FRMD4B: variants seen among roughly 807,000 people sequenced by gnomAD.
FRMD4B encodes the protein FERM domain containing 4B.
FRMD4B carries 74 observed loss-of-function variants against 141.5 expected under a neutral mutation model. The observed-to-expected ratio is 0.52, with a 90% CI of 0.43 to 0.63. The LOEUF is 0.63. Among genes scored for constraint, FRMD4B ranks in the 30% least tolerant of loss-of-function variants. FRMD4B has a pLI of 0.00. For synonymous variants in FRMD4B, 506 were observed against 467.9 expected (o/e 1.08, Z -1.05); for missense variants, 1,366 against 1,253.4 (o/e 1.09, Z -1.36).
chr3:69,279,792 TCCTC>T (rs2093636503), intron 5 of FRMD4B, among the ~76,000 whole-genome samples: 1 of 128,562 alleles, frequency 7.8e-6, no homozygotes, highest in Admixed American at 8.1e-5. Context: ...CTCCTCCTCC[TCCTC>T]CTCCTCCTCC....
rs531455064 is a variant in FRMD4B, at chr3:69,237,205, G to A, written c.581+12021C>T. Among the ~76,000 whole-genome samples, 7 of 152,206 alleles carry A rather than the reference G, an allele frequency of 4.6e-5. No homozygotes were observed. In the East Asian group the frequency reaches 1.4e-3, roughly 29 times the overall value. On this transcript the variant is annotated intron_variant, in intron 7 of 22. Transcript: ENST00000398540. ...GGAAGAGGAGAGAATTGGAAAGCTA[G>A]GGAGGAACGGAAGAGGAGGGAGGGG...
chr3:69,516,990 G>C (rs1020352283), intron 1 of FRMD4B, among the ~76,000 whole-genome samples: 1 of 152,104 alleles, frequency 6.6e-6, no homozygotes, highest in Non-Finnish European at 1.5e-5. Context: ...TCCCTCTGGA[G>C]GGTAGCATTG....
intron 1 of FRMD4B, among the ~76,000 whole-genome samples, chr3:69,478,200 T>G (rs1380434106): frequency 1.3e-5 from 2 of 152,276 alleles, no homozygotes; most frequent in East Asian, 1.9e-4. Flanking sequence ...GTGTCTCTAT[T>G]TCCTTCAGTT....
intron 20 of FRMD4B, among the ~76,000 whole-genome samples, chr3:69,182,015 A>C (rs553642909): frequency 4.6e-5 from 7 of 152,082 alleles, no homozygotes; most frequent in South Asian, 2.1e-4. Context: ...AGCCTGGAAA[A>C]AAAAACAAAA....
chr3:69,406,573 C>T (rs1386356680), intron 2 of FRMD4B, among the ~76,000 whole-genome samples: 1 of 152,198 alleles, frequency 6.6e-6, no homozygotes, highest in East Asian at 1.9e-4. Flanking sequence ...CTAAGTGATG[C>T]TGCCTCCTCG....
intron 7 of FRMD4B, among the ~76,000 whole-genome samples, chr3:69,235,910 A>G (rs1471266719): frequency 6.6e-6 from 1 of 152,224 alleles, no homozygotes; most frequent in Non-Finnish European, 1.5e-5. Context: ...CCAGGATTCT[A>G]GGAAGAGGGG....
intron 11 of FRMD4B, among the ~76,000 whole-genome samples, chr3:69,208,324 A>G (rs529550481): frequency 2.6e-4 from 39 of 152,100 alleles, no homozygotes; most frequent in Non-Finnish European, 5.1e-4. Flanking sequence ...TCGGCCTCCC[A>G]AAGTGCTGGG....
At chr3:69,376,252 A>T (rs1159431437) in intron 1 of FRMD4B, among the ~76,000 whole-genome samples, 1 of 152,184 alleles carries the variant, frequency 6.6e-6, no homozygotes, top group African/African-American at 2.4e-5. Context: ...ATTACAAAAA[A>T]GTAACCAAAA....
chr3:69,279,427 C>G (rs559362086), intron 5 of FRMD4B, among the ~76,000 whole-genome samples: 3 of 152,256 alleles, frequency 2.0e-5, no homozygotes, highest in African/African-American at 7.2e-5. Context: ...GCTAATAACA[C>G]ACACAAAAAT....
chr3:69,240,674 T>C (rs1388239366), intron 7 of FRMD4B, among the ~76,000 whole-genome samples: 1 of 152,186 alleles, frequency 6.6e-6, no homozygotes, highest in Non-Finnish European at 1.5e-5. Context: ...GTATGTGTGA[T>C]TCAATGTGTC....
At chr3:69,486,436 C>A (rs1253021474) in intron 1 of FRMD4B, among the ~76,000 whole-genome samples, 1 of 132,812 alleles carries the variant, frequency 7.5e-6, no homozygotes, top group African/African-American at 3.3e-5. Context: ...GTCCTTATAG[C>A]TTAGCTCCCA....
chr3:69,265,269 AATATATATATATATATATAT>A lies in FRMD4B; in HGVS notation c.502-15190_502-15171del, dbSNP rs1175250592. ...GACTCCATCTCAAAAAAAAAAAAAA[AATATATATATATATATATAT>A]ATATATATATATATATATATATATA... On this transcript the variant is annotated intron_variant, in intron 5 of 22. Coordinates refer to ENST00000398540, the MANE Select transcript of FRMD4B (RefSeq NM_015123.3). Among the ~76,000 whole-genome samples the A allele has an allele frequency of 3.2e-3, 75 of 23,436 alleles. 13 individuals are homozygous for A. Among genetic ancestry groups the A allele is most frequent in the East Asian group, 0.011 (5 of 458 alleles). 15.4% of individuals were successfully genotyped at this position (23,436 alleles called of 152,430 possible).
intron 7 of FRMD4B, among the ~76,000 whole-genome samples, chr3:69,242,474 C>G (rs529603951): frequency 4.7e-4 from 61 of 130,658 alleles, no homozygotes; most frequent in Middle Eastern, 4.2e-3. Context: ...TGGGAAATAG[C>G]TGCATTTTTT....
chr3:69,351,719 G>C (rs1371033406), intron 1 of FRMD4B, among the ~76,000 whole-genome samples: 2 of 152,170 alleles, frequency 1.3e-5, no homozygotes, highest in African/African-American at 4.8e-5. Context: ...CATAGATTCG[G>C]AACTCAGGAG....
At chr3:69,346,599 C>G (rs1702952424) in intron 1 of FRMD4B, among the ~76,000 whole-genome samples, 1 of 152,106 alleles carries the variant, frequency 6.6e-6, no homozygotes, top group South Asian at 2.1e-4. Flanking sequence ...GGGTTACCCA[C>G]AAAGGGAAGC....
chr3:69,332,994 T>C (rs1004497343), intron 1 of FRMD4B, among the ~76,000 whole-genome samples: 3 of 152,124 alleles, frequency 2.0e-5, no homozygotes, highest in Non-Finnish European at 2.9e-5. Context: ...CTGTATGCAA[T>C]GCTTCATCTT....
rs567094683 is a variant in FRMD4B at position 69,435,357 on chromosome 3, G to A, written c.-128-2596C>T. ...TCTAAGGGTTTACTATAGGTTTTAG[G>A]TTAAAAAAAAAAAAAGGAGAGGAAG... is the stretch of plus-strand genomic sequence containing the variant. On this transcript the variant is annotated intron_variant, in intron 1 of 5. Coordinates refer to the FRMD4B transcript ENST00000459638. 1.8e-3 allele frequency among the ~76,000 whole-genome samples: 268 copies of A among 149,404 alleles called. 2 individuals are homozygous for A. The highest frequency in any genetic ancestry group is 3.3e-3 in the Non-Finnish European group (222 of 67,534).
intron 1 of FRMD4B, among the ~76,000 whole-genome samples, chr3:69,501,326 T>C (rs1298650395): frequency 6.6e-6 from 1 of 150,982 alleles, no homozygotes; most frequent in Non-Finnish European, 1.5e-5. Flanking sequence ...CTCAGGGAAG[T>C]CAAAGATTAG....
intron 1 of FRMD4B, among the ~76,000 whole-genome samples, chr3:69,320,127 C>G (rs1036974004): frequency 3.9e-5 from 6 of 152,180 alleles, no homozygotes; most frequent in African/African-American, 1.4e-4. Context: ...AGTCAGGACT[C>G]TGACTCCCAG....
Sources: allele counts gnomAD v4.1 joint callset (sites outside exome capture counted in the v4.1 genomes callset), GRCh38; gene constraint gnomAD v4.1.1; transcripts MANE v1.5; gene names NCBI Gene and HGNC (gene_info 2026-07-23, HGNC 2026-07-21).